The following MTNR1A variants were observed in gnomAD, a reference collection of about 807,000 sequenced individuals.
The protein encoded by MTNR1A is melatonin receptor type 1A.
MTNR1A carries 7 observed loss-of-function variants against 5.5 expected under a neutral mutation model. The ratio of observed to expected loss-of-function variants is 1.28; its 90% CI spans 0.73 to 2.40. The LOEUF (loss-of-function observed/expected upper bound fraction) is 2.40, where lower values mean the gene tolerates loss of function less well. Ranked by LOEUF, MTNR1A falls within the 30% of genes most tolerant of loss-of-function variation. The pLI, the probability that MTNR1A is intolerant of heterozygous loss-of-function variation, is 0.00. For synonymous variants in MTNR1A, 196 were observed against 202.7 expected, an observed-to-expected ratio of 0.97 and a Z score of 0.28; for missense variants, 441 against 464.4, an observed-to-expected ratio of 0.95 and a Z score of 0.46.
At chr4:186,551,341 C>T (rs960696258) in intron 1 of MTNR1A, among the ~76,000 whole-genome samples, 13 of 151,772 alleles carry the variant, frequency 8.6e-5, no homozygotes, top group African/African-American at 2.9e-4. Flanking sequence ...CATAATGTCA[C>T]AAATGGGAAT....
chr4:186,540,023 C>A (rs1383766486), intron 1 of MTNR1A, among the ~76,000 whole-genome samples: 1 of 152,192 alleles, frequency 6.6e-6, no homozygotes, highest in African/African-American at 2.4e-5. Flanking sequence ...GGAAGCCTCA[C>A]AATCATGGTG....
At chr4:186,542,091 A>C (rs1388673571) in intron 1 of MTNR1A, among the ~76,000 whole-genome samples, 1 of 152,196 alleles carries the variant, frequency 6.6e-6, no homozygotes, top group African/African-American at 2.4e-5. Flanking sequence ...TCAGCATCAG[A>C]TTACTCCTCA....
At chr4:186,545,709 A>G (rs1223462769) in intron 1 of MTNR1A, among the ~76,000 whole-genome samples, 1 of 152,184 alleles carries the variant, frequency 6.6e-6, no homozygotes, top group Non-Finnish European at 1.5e-5. Flanking sequence ...CACGAAGACT[A>G]AAAGGAACTG....
At position 186,534,497 on chromosome 4, in the gene MTNR1A, G is replaced by C; in HGVS notation, c.245C>G (p.Pro82Arg). 6.2e-7 allele frequency: 1 copy of C among 1,614,004 alleles called. No individual in the cohort carries two copies. The highest frequency in any genetic ancestry group is 8.5e-7 in the Non-Finnish European group (1 of 1,180,010). The change falls in exon 2 of 2, where the codon CCG becomes CGG. Residue 82 changes from proline to arginine, a missense_variant. Transcript: ENST00000307161. ...GTTAAATATCGACATCAGCACCAAC[G>C]GGTACGGATAAATGGCCACCACCAG... ...ADLVVAIYPY[P>R]LVLMSIFNNG...
intron 1 of MTNR1A, among the ~76,000 whole-genome samples, chr4:186,546,216 C>T (rs1187766355): frequency 2.0e-5 from 3 of 152,110 alleles, no homozygotes; most frequent in Non-Finnish European, 2.9e-5. Context: ...GGAAACCACA[C>T]GTCTTGCTTC....
chr4:186,555,230 G>T lies in MTNR1A; in HGVS notation c.136C>A (p.Leu46Ile), dbSNP rs1414681123. The stretch of plus-strand genomic sequence containing the variant: ...CGATACACCGACAGGATGACCAGGA[G>T]GTTGCCCAGGATGTCCACCACGATG... ...FTIVVDILGN[L>I]LVILSVYRNK... is the part of the protein sequence containing the mutation. The change falls in exon 1 of 2, where the codon CTC becomes ATC. Residue 46 changes from leucine to isoleucine, a missense_variant. Leu to Ile is a conservative substitution (Grantham distance 5). Transcript: ENST00000307161. The surrounding 1 kb of genome is among the most constrained non-coding windows in gnomAD (Gnocchi z 4.1). 1 of 1,587,448 alleles carries T rather than the reference G, an allele frequency of 6.3e-7. No homozygotes were observed. Among genetic ancestry groups the T allele is most frequent in the Admixed American group, 1.8e-5 (1 of 56,382 alleles).
intron 1 of MTNR1A, among the ~76,000 whole-genome samples, chr4:186,542,553 C>T (rs62350388): frequency 0.024 from 3,665 of 152,180 alleles, 60 homozygotes; most frequent in East Asian, 0.061. Context: ...CAGCACCAGG[C>T]GGGTGAGCCT....
chr4:186,549,632 AT>A (rs1220705904), intron 1 of MTNR1A, among the ~76,000 whole-genome samples: 2 of 152,216 alleles, frequency 1.3e-5, no homozygotes, highest in Non-Finnish European at 2.9e-5. Flanking sequence ...TGCTGTATAA[AT>A]ATGCTCCTAT....
chr4:186,554,086 G>A (rs1428154150), intron 1 of MTNR1A, among the ~76,000 whole-genome samples: 1 of 152,140 alleles, frequency 6.6e-6, no homozygotes, highest in Non-Finnish European at 1.5e-5. Flanking sequence ...GAAGGAAAGA[G>A]CCTCTTCTCG....
intron 1 of MTNR1A, among the ~76,000 whole-genome samples, chr4:186,534,973 C>A (rs886669242): frequency 1.3e-5 from 2 of 152,200 alleles, no homozygotes; most frequent in African/African-American, 4.8e-5. Context: ...AGTGCTTCAG[C>A]AGCTCTCAGG....
Position 186,544,412 on chromosome 4 carries a change from TC to T in MTNR1A, c.185-9856del, listed in dbSNP as rs1486417628. Among the ~76,000 whole-genome samples the T allele has an allele frequency of 2.0e-5, 3 of 152,206 alleles. No individual in the cohort carries two copies. The East Asian group carries it at 5.8e-4, about 29-fold the overall frequency. On this transcript the variant is annotated intron_variant, in intron 1 of 1. Coordinates refer to ENST00000307161, the MANE Select transcript of MTNR1A (RefSeq NM_005958.4). ...TAAGTAAATCTACAGGATCTTCCTA[TC>T]CTGGGCCAGACTCTTACCTTTTATC...
intron 1 of MTNR1A, among the ~76,000 whole-genome samples, chr4:186,542,287 C>G (rs962833031): frequency 1.3e-5 from 2 of 152,210 alleles, no homozygotes; most frequent in African/African-American, 4.8e-5. Flanking sequence ...GAGGCATACT[C>G]TGAATATGGA....
chr4:186,539,726 T>G lies in MTNR1A; in HGVS notation c.185-5169A>C, dbSNP rs1736964311. 2.6e-5 allele frequency among the ~76,000 whole-genome samples: 4 copies of G among 152,186 alleles called. No homozygotes were observed. The South Asian group carries it at 8.3e-4, about 32-fold the overall frequency. ...ACTCCAAATCTGCCAGTGCCTAGATTTTGGGCTTCCCAGCCTCCAGAACTG... is the reference window on the plus strand; with the variant it reads ...ACTCCAAATCTGCCAGTGCCTAGATGTTGGGCTTCCCAGCCTCCAGAACTG... On this transcript the variant is annotated intron_variant, in intron 1 of 1. Transcript: ENST00000307161.
rs145677888 is a variant in MTNR1A, at chr4:186,534,379, G to A, written c.363C>T (p.Ile121=). ...AGATGTAGCAGTAGCGGTTGATGGCGATGCCGGTGATGTTGAATATGGAGC... is the reference window on the plus strand; with the variant it reads ...AGATGTAGCAGTAGCGGTTGATGGCAATGCCGGTGATGTTGAATATGGAGC... The part of the protein sequence containing the change: ...VIGSIFNITG[I]AINRYCYICH... Residue 121 remains isoleucine, a synonymous_variant, in exon 2 of 2, where the codon ATC becomes ATT. Coordinates refer to ENST00000307161, the MANE Select transcript of MTNR1A (RefSeq NM_005958.4). The A allele has an allele frequency of 1.8e-4, 289 of 1,614,138 alleles. No homozygotes were observed. Among genetic ancestry groups the A allele is most frequent in the Admixed American group, 1.0e-3 (60 of 60,016 alleles).
chr4:186,551,362 A>G (rs1579256540), intron 1 of MTNR1A, among the ~76,000 whole-genome samples: 1 of 152,068 alleles, frequency 6.6e-6, no homozygotes, highest in Middle Eastern at 3.4e-3. Context: ...TAGATTCTAA[A>G]CCTTCCATTT....
intron 1 of MTNR1A, among the ~76,000 whole-genome samples, chr4:186,549,634 A>T (rs1350845175): frequency 6.6e-6 from 1 of 152,174 alleles, no homozygotes; most frequent in Non-Finnish European, 1.5e-5. Context: ...CTGTATAAAT[A>T]TGCTCCTATT....
intron 1 of MTNR1A, among the ~76,000 whole-genome samples, chr4:186,546,460 T>G (rs1260664973): frequency 6.6e-6 from 1 of 152,028 alleles, no homozygotes; most frequent in Non-Finnish European, 1.5e-5. Context: ...AGTGACATAC[T>G]TGGTGACTCC....
rs1035440497 is a variant in MTNR1A at position 186,550,157 on chromosome 4, C to T, written c.184+5025G>A. On this transcript the variant is annotated intron_variant, in intron 1 of 1. Coordinates refer to ENST00000307161, the MANE Select transcript of MTNR1A (RefSeq NM_005958.4). ...TGCACTAAAAATCACAGAGATATCA[C>T]ATACAGCGCTCAGGTTCCTGGTCAC... is the stretch of plus-strand genomic sequence containing the variant. Among the ~76,000 whole-genome samples the T allele has an allele frequency of 1.6e-4, 25 of 152,312 alleles. No homozygotes were observed. In the South Asian group the frequency reaches 2.3e-3, roughly 14 times the overall value.
At chr4:186,548,012 C>T (rs78033829) in intron 1 of MTNR1A, among the ~76,000 whole-genome samples, 1,809 of 152,176 alleles carry the variant, frequency 0.012, 35 homozygotes, top group African/African-American at 0.041. Context: ...AAATGGAAGA[C>T]GAATTACTGA....
Sources: allele counts gnomAD v4.1 joint callset (sites outside exome capture counted in the v4.1 genomes callset), GRCh38; gene constraint gnomAD v4.1.1; non-coding constraint Gnocchi (gnomAD v3.1); transcripts MANE v1.5; gene names NCBI Gene and HGNC (gene_info 2026-07-23, HGNC 2026-07-21).